Variants in MECOM observed in about 807,000 individuals in gnomAD.
MECOM encodes MDS1 and EVI1 complex locus.
MECOM carries 13 observed loss-of-function variants against 116.3 expected under a neutral mutation model. The ratio of observed to expected loss-of-function variants is 0.11; its 90% confidence interval spans 0.07 to 0.18. The LOEUF is 0.18. Ranked by LOEUF, MECOM falls within the 10% of genes least tolerant of loss-of-function variation. The pLI, the probability that MECOM is intolerant of heterozygous loss-of-function variation, is 1.00. For missense variants in MECOM, 1,299 were observed against 1,509.0 expected (o/e 0.86, Z 2.31); for synonymous variants, 528 against 535.2 (o/e 0.99, Z 0.19).
intron 2 of MECOM, among the ~76,000 whole-genome samples, chr3:169,212,684 A>ATG (rs1407210339): frequency 4.7e-5 from 6 of 127,308 alleles, no homozygotes; most frequent in Non-Finnish European, 9.9e-5. Flanking sequence ...ATATATATAT[A>ATG]TGCAACAAAA....
At chr3:169,369,546 C>T (rs1729748061) in intron 2 of MECOM, among the ~76,000 whole-genome samples, 1 of 151,456 alleles carries the variant, frequency 6.6e-6, no homozygotes, top group African/African-American at 2.4e-5. Flanking sequence ...AATGGGGTCT[C>T]ACTATGTTGC....
intron 2 of MECOM, among the ~76,000 whole-genome samples, chr3:169,337,008 A>C (rs1482569664): frequency 1.3e-5 from 2 of 152,158 alleles, no homozygotes; most frequent in Non-Finnish European, 2.9e-5. Flanking sequence ...TTAAAAAGAC[A>C]AAGTAGTTAA....
chr3:169,416,926 G>C (rs199502192), intron 1 of MECOM, among the ~76,000 whole-genome samples: 94 of 152,176 alleles, frequency 6.2e-4, no homozygotes, highest in East Asian at 5.4e-3. Flanking sequence ...GAAACTGGAT[G>C]CCTTCCTTAC....
chr3:169,476,528 A>T (rs1347796603), intron 1 of MECOM, among the ~76,000 whole-genome samples: 1 of 152,144 alleles, frequency 6.6e-6, no homozygotes, highest in African/African-American at 2.4e-5. Context: ...GGGGCACATC[A>T]ATCATGGCCA....
intron 2 of MECOM, among the ~76,000 whole-genome samples, chr3:169,336,970 C>T (rs572238491): frequency 9.7e-4 from 147 of 152,180 alleles, no homozygotes; most frequent in African/African-American, 3.4e-3. Flanking sequence ...ATGCAAGATA[C>T]TCTGCAAGTG....
Position 169,100,854 on chromosome 3 carries a change from T to G in MECOM, c.2849+31A>C, listed in dbSNP as rs758522774. ...TAAACTTTAATTATTACAATATTTATCAAGATATTTAGCAAATATCATTGT... is the reference window on the plus strand; with the variant it reads ...TAAACTTTAATTATTACAATATTTAGCAAGATATTTAGCAAATATCATTGT... On this transcript the variant is annotated intron_variant, in intron 12 of 16. Transcript: ENST00000651503. 6 of 1,275,878 alleles carry G rather than the reference T, an allele frequency of 4.7e-6. No individual in the cohort carries two copies. The South Asian group carries it at 8.2e-5, about 18-fold the overall frequency. 79.0% of individuals were successfully genotyped at this position (1,275,878 alleles called of 1,614,324 possible).
At chr3:169,398,212 A>G (rs1735303358) in intron 1 of MECOM, among the ~76,000 whole-genome samples, 2 of 152,208 alleles carry the variant, frequency 1.3e-5, no homozygotes, top group South Asian at 4.1e-4. Context: ...CACTTGGTCC[A>G]AGATTATTCT....
intron 1 of MECOM, among the ~76,000 whole-genome samples, chr3:169,504,776 G>T (rs1170093987): frequency 1.3e-5 from 2 of 152,134 alleles, no homozygotes; most frequent in Non-Finnish European, 2.9e-5. Context: ...CCAGAAACCA[G>T]GGGGTTCATG....
intron 1 of MECOM, among the ~76,000 whole-genome samples, chr3:169,481,429 T>G (rs1476633634): frequency 6.6e-6 from 1 of 152,106 alleles, no homozygotes; most frequent in African/African-American, 2.4e-5. Context: ...GGTACATGTC[T>G]ATAGTCCCAT....
intron 2 of MECOM, among the ~76,000 whole-genome samples, chr3:169,207,538 C>G (rs146778615): frequency 5.6e-4 from 85 of 152,178 alleles, no homozygotes; most frequent in African/African-American, 2.0e-3. Flanking sequence ...CCTGGTGGTA[C>G]AGGTTTAAAG....
At chr3:169,282,602 T>C (rs556879886) in intron 2 of MECOM, among the ~76,000 whole-genome samples, 66 of 152,306 alleles carry the variant, frequency 4.3e-4, no homozygotes, top group Admixed American at 1.0e-3. Flanking sequence ...TGTATATTTA[T>C]TAGGTGCCCA....
chr3:169,117,866 C>T (rs1383943041), intron 7 of MECOM, among the ~76,000 whole-genome samples: 4 of 151,946 alleles, frequency 2.6e-5, no homozygotes, highest in Non-Finnish European at 5.9e-5. Context: ...GTACCCTGAG[C>T]ATCACATTTT....
In MECOM at chr3:169,410,251, T is replaced by G. The variant is rs945648284; in HGVS notation, c.38-28727A>C. ...TTAACTTGAATTATATTTGCATTCA[T>G]TTGCTTCCTAATACTTTTGGAGAAC... On this transcript the variant is annotated intron_variant, in intron 1 of 16. Transcript: ENST00000651503. 6.6e-5 allele frequency among the ~76,000 whole-genome samples: 10 copies of G among 152,380 alleles called. No homozygotes were observed. In the South Asian group the frequency reaches 2.1e-3, roughly 32 times the overall value.
In MECOM at chr3:169,272,332, T is replaced by C. The variant is rs1307436921; in HGVS notation, c.375+108855A>G. 2.6e-5 allele frequency among the ~76,000 whole-genome samples: 4 copies of C among 152,134 alleles called. No homozygotes were observed. The South Asian group carries it at 8.3e-4, about 31-fold the overall frequency. On this transcript the variant is annotated intron_variant, in intron 2 of 16. Transcript: ENST00000651503. Reference sequence around the variant, plus strand: ...GGGAGTTGGGGAGAGACATAGGCTCTGGAAGGAATTGAATCACAGATTCCT... The same window carrying C: ...GGGAGTTGGGGAGAGACATAGGCTCCGGAAGGAATTGAATCACAGATTCCT...
intron 2 of MECOM, among the ~76,000 whole-genome samples, chr3:169,166,813 AT>A (rs1218996561): frequency 6.6e-5 from 10 of 152,148 alleles, no homozygotes; most frequent in African/African-American, 2.4e-4. Context: ...CAAAAATGTT[AT>A]TGTCTATTTT....
At chr3:169,449,744 A>G (rs1578133383) in intron 1 of MECOM, among the ~76,000 whole-genome samples, 1 of 152,174 alleles carries the variant, frequency 6.6e-6, no homozygotes, top group South Asian at 2.1e-4. Context: ...GTAAAGAAAT[A>G]TAGGATGTGA....
At chr3:169,103,488 T>C (rs1285586251) in intron 10 of MECOM, among the ~76,000 whole-genome samples, 1 of 152,202 alleles carries the variant, frequency 6.6e-6, no homozygotes. Flanking sequence ...CAAGAAGCTA[T>C]TTTAAAAGGT....
chr3:169,607,554 C>T (rs1203294083), intron 1 of MECOM, among the ~76,000 whole-genome samples: 2 of 152,190 alleles, frequency 1.3e-5, no homozygotes, highest in South Asian at 2.1e-4. Flanking sequence ...GACCACAAAT[C>T]GTATTGGTAA....
At chr3:169,134,830 G>A (rs1282613212) in intron 3 of MECOM, among the ~76,000 whole-genome samples, 1 of 152,138 alleles carries the variant, frequency 6.6e-6, no homozygotes, top group African/African-American at 2.4e-5. Context: ...AGAAGAGACA[G>A]GAGTAATTTA....
Sources: allele counts gnomAD v4.1 joint callset (sites outside exome capture counted in the v4.1 genomes callset), GRCh38; gene constraint gnomAD v4.1.1; transcripts MANE v1.5; gene names NCBI Gene and HGNC (gene_info 2026-07-23, HGNC 2026-07-21).